The following NEMP2 variants were observed in gnomAD, a reference collection of about 807,000 sequenced individuals.
The protein encoded by NEMP2 is UPF0571 transmembrane protein.
A neutral mutation model predicts 54.2 loss-of-function variants in NEMP2; 53 were observed. The ratio of observed to expected loss-of-function variants is 0.98; its 90% CI spans 0.78 to 1.23. The LOEUF is 1.23. Ranked by LOEUF, NEMP2 falls within the 50% of genes most tolerant of loss-of-function variation. The probability of loss-of-function intolerance (pLI) is 0.00; values close to 1 mark genes in which losing one functional copy is unlikely to be tolerated. For synonymous variants in NEMP2, 197 were observed against 190.3 expected (o/e 1.04, Z -0.29); for missense variants, 455 against 511.3 (o/e 0.89, Z 1.06).
At chr2:190,423,420 T>C in the NEMP2 span, among the ~76,000 whole-genome samples, 2 of 152,238 alleles carry the variant, frequency 1.3e-5, no homozygotes, top group African/African-American at 4.8e-5. The surrounding 1 kb of genome is among the most constrained non-coding windows in gnomAD (Gnocchi z 4.3). Flanking sequence ...TTTCATTCTA[T>C]AATTATCTGG....
the NEMP2 span, among the ~76,000 whole-genome samples, chr2:190,564,700 A>G: frequency 6.6e-6 from 1 of 152,152 alleles, no homozygotes; most frequent in African/African-American, 2.4e-5. This position sits in a 1 kb window ranked among gnomAD's most constrained non-coding sequence, Gnocchi z 4.2. Flanking sequence ...ACAAGTAAGG[A>G]CCTCTTGGCT....
In NEMP2 at chr2:190,527,695, T is replaced by C. The variant is rs1690989530; in HGVS notation, c.98-2317A>G. 6.6e-6 allele frequency among the ~76,000 whole-genome samples: 1 copy of C among 152,044 alleles called. No homozygotes were observed. Among genetic ancestry groups the C allele is most frequent in the African/African-American group, 2.4e-5 (1 of 41,396 alleles). On this transcript the variant is annotated intron_variant, in intron 1 of 8. Transcript: ENST00000409150. This position sits in a 1 kb window ranked among gnomAD's most constrained non-coding sequence, Gnocchi z 4.0. ...AGGACCAATACCAGTCCATGGTCTG[T>C]TAGGAACAGGGCTGCAGGAGGTGAG...
the NEMP2 span, among the ~76,000 whole-genome samples, chr2:190,430,199 T>C: frequency 7.0e-6 from 1 of 142,744 alleles, no homozygotes; most frequent in Non-Finnish European, 1.5e-5. Context: ...GGCTGCATAG[T>C]CCTCATTCTT....
the NEMP2 span, among the ~76,000 whole-genome samples, chr2:190,497,206 A>G: frequency 3.3e-5 from 5 of 152,324 alleles, no homozygotes; most frequent in East Asian, 5.8e-4. This position sits in a 1 kb window ranked among gnomAD's most constrained non-coding sequence, Gnocchi z 5.2. Flanking sequence ...TATTTCTTAA[A>G]TATATATGCT....
At chr2:190,430,671 T>A in the NEMP2 span, among the ~76,000 whole-genome samples, 1 of 151,708 alleles carries the variant, frequency 6.6e-6, no homozygotes, top group African/African-American at 2.4e-5. Flanking sequence ...CCTTTTCTAT[T>A]CCACAAAACC....
chr2:190,591,003 C>A, the NEMP2 span, among the ~76,000 whole-genome samples: 1 of 152,114 alleles, frequency 6.6e-6, no homozygotes, highest in African/African-American at 2.4e-5. This position sits in a 1 kb window ranked among gnomAD's most constrained non-coding sequence, Gnocchi z 5.4. Flanking sequence ...TACCTTTCTG[C>A]CTAGTGTGCC....
At chr2:190,451,346 A>G in the NEMP2 span, among the ~76,000 whole-genome samples, 2 of 152,242 alleles carry the variant, frequency 1.3e-5, no homozygotes, top group Non-Finnish European at 2.9e-5. The surrounding 1 kb of genome is among the most constrained non-coding windows in gnomAD (Gnocchi z 5.0). Flanking sequence ...CAAGCACATA[A>G]TAAGTCCTCA....
chr2:190,598,325 C>T, the NEMP2 span, among the ~76,000 whole-genome samples: 1 of 152,176 alleles, frequency 6.6e-6, no homozygotes, highest in Admixed American at 6.5e-5. Context: ...GATATTTATT[C>T]TCCAAATTCT....
the NEMP2 span, among the ~76,000 whole-genome samples, chr2:190,584,454 C>A: frequency 6.6e-6 from 1 of 152,110 alleles, no homozygotes; most frequent in African/African-American, 2.4e-5. This position sits in a 1 kb window ranked among gnomAD's most constrained non-coding sequence, Gnocchi z 4.2. Context: ...ATACTCAGTA[C>A]AATTATGGGT....
At chr2:190,568,346 G>A in the NEMP2 span, among the ~76,000 whole-genome samples, 1 of 152,104 alleles carries the variant, frequency 6.6e-6, no homozygotes, top group South Asian at 2.1e-4. The surrounding 1 kb of genome is among the most constrained non-coding windows in gnomAD (Gnocchi z 4.7). Flanking sequence ...AGTAAGAGGA[G>A]GTTTACACTT....
At chr2:190,489,335 T>G in the NEMP2 span, among the ~76,000 whole-genome samples, 685 of 152,340 alleles carry the variant, frequency 4.5e-3, 10 homozygotes, top group African/African-American at 0.016. The surrounding 1 kb of genome is among the most constrained non-coding windows in gnomAD (Gnocchi z 6.6). Context: ...TCCAGGAATC[T>G]TAACTACTCA....
the NEMP2 span, among the ~76,000 whole-genome samples, chr2:190,613,880 G>A: frequency 4.0e-5 from 6 of 151,876 alleles, no homozygotes; most frequent in South Asian, 2.1e-4. Flanking sequence ...GTGAGCCACC[G>A]TGCCCAGCCA....
At chr2:190,427,438 C>G in the NEMP2 span, among the ~76,000 whole-genome samples, 1 of 152,198 alleles carries the variant, frequency 6.6e-6, no homozygotes, top group African/African-American at 2.4e-5. Context: ...AGTTCTGTGT[C>G]TTTCTAGACT....
the NEMP2 span, chr2:190,437,372 G>T: frequency 6.2e-7 from 1 of 1,614,236 alleles, no homozygotes; most frequent in African/African-American, 1.3e-5. This position sits in a 1 kb window ranked among gnomAD's most constrained non-coding sequence, Gnocchi z 5.9. Flanking sequence ...GTGCAGTATG[G>T]CTCAGTGCTG....
the NEMP2 span, among the ~76,000 whole-genome samples, chr2:190,544,989 G>A: frequency 1.3e-5 from 2 of 151,038 alleles, no homozygotes; most frequent in African/African-American, 4.9e-5. Context: ...TGTAGTCCCA[G>A]CTACTCAGGA....
chr2:190,465,960 AAAAC>A, the NEMP2 span, among the ~76,000 whole-genome samples: 6 of 152,186 alleles, frequency 3.9e-5, no homozygotes, highest in Admixed American at 1.3e-4. The surrounding 1 kb of genome is among the most constrained non-coding windows in gnomAD (Gnocchi z 4.6). Flanking sequence ...GCCATTGCAA[AAAAC>A]AAACAAAAAA....
At chr2:190,453,552 A>G in the NEMP2 span, among the ~76,000 whole-genome samples, 1 of 152,232 alleles carries the variant, frequency 6.6e-6, no homozygotes, top group Non-Finnish European at 1.5e-5. Flanking sequence ...TACTTCTGGA[A>G]GCAGTGCCAT....
At position 190,528,197 on chromosome 2, in the gene NEMP2, A is replaced by T. The variant is rs1691009434; in HGVS notation, c.98-2819T>A. On this transcript the variant is annotated intron_variant, in intron 1 of 8. Transcript: ENST00000409150. The surrounding 1 kb of genome is among the most constrained non-coding windows in gnomAD (Gnocchi z 4.3). ...CATAGGGGGAAGTGCAGTCCCAGGG[A>T]TATCAAAGGGCTGGCAGCTACCTAT... Among the ~76,000 whole-genome samples, 1 of 152,222 alleles carries T rather than the reference A, an allele frequency of 6.6e-6. No homozygotes were observed. Among genetic ancestry groups the T allele is most frequent in the African/African-American group, 2.4e-5 (1 of 41,470 alleles).
At chr2:190,463,766 G>C in the NEMP2 span, 1 of 540,614 alleles carries the variant, frequency 1.8e-6, no homozygotes, top group Non-Finnish European at 2.4e-6. This position sits in a 1 kb window ranked among gnomAD's most constrained non-coding sequence, Gnocchi z 4.4. Flanking sequence ...GCTGCATTGA[G>C]CTGTGATGAC....
Sources: allele counts gnomAD v4.1 joint callset (sites outside exome capture counted in the v4.1 genomes callset), GRCh38; gene constraint gnomAD v4.1.1; non-coding constraint Gnocchi (gnomAD v3.1); transcripts MANE v1.5; gene names NCBI Gene and HGNC (gene_info 2026-07-23, HGNC 2026-07-21).